Variants in ZNF595 observed in about 807,000 individuals in gnomAD.
ZNF595 encodes zinc finger protein 595.
Under a neutral mutation model 19.4 loss-of-function variants are expected in ZNF595, and 9 were observed. That is an observed-to-expected ratio of 0.46 (90% CI 0.28 to 0.81). ZNF595 has a LOEUF of 0.81. Ranked by LOEUF, ZNF595 falls within the 30% of genes least tolerant of loss-of-function variation. The pLI is 0.11. For synonymous variants in ZNF595, 255 were observed against 255.9 expected, an observed-to-expected ratio of 1.00 and a Z score of 0.03; for missense variants, 729 against 736.0, an observed-to-expected ratio of 0.99 and a Z score of 0.11.
At chr4:78,290 G>T (rs1242804071) in intron 3 of ZNF595, among the ~76,000 whole-genome samples, 1 of 152,206 alleles carries the variant, frequency 6.6e-6, no homozygotes, top group Non-Finnish European at 1.5e-5. Flanking sequence ...TTACAGGCGT[G>T]AGCCACCGCG....
intron 3 of ZNF595, among the ~76,000 whole-genome samples, chr4:77,486 A>C (rs1318428081): frequency 6.6e-6 from 1 of 152,066 alleles, no homozygotes; most frequent in African/African-American, 2.4e-5. Context: ...ATTATCTGTG[A>C]AGCCTTATTT....
intron 3 of ZNF595, among the ~76,000 whole-genome samples, chr4:71,311 C>G (rs1201730789): frequency 6.6e-6 from 1 of 151,988 alleles, no homozygotes; most frequent in Non-Finnish European, 1.5e-5. Context: ...TTTGGATGCC[C>G]TTTATTTTTT....
Position 86,990 on chromosome 4 carries a change from A to G in ZNF595, c.1486A>G (p.Asn496Asp). The G allele has an allele frequency of 6.2e-7, 1 of 1,613,982 alleles. No individual in the cohort carries two copies. Among genetic ancestry groups the G allele is most frequent in the Admixed American group, 1.7e-5 (1 of 60,006 alleles). Residue 496 changes from asparagine (N) to aspartate (D), a missense_variant, in exon 4 of 4, where the codon AAT becomes GAT. Asn to Asp is a conservative substitution (Grantham distance 23). Coordinates refer to ENST00000610261, the MANE Select transcript of ZNF595 (RefSeq NM_182524.4). ...GKAFIWSASL[N>D]EHKNIHTGEK... ...AGCTTTCATATGGTCCGCAAGCCTG[A>G]ATGAACATAAGAATATTCATACTGG...
chr4:73,108 T>A (rs1713498628), intron 3 of ZNF595, among the ~76,000 whole-genome samples: 1 of 152,182 alleles, frequency 6.6e-6, no homozygotes, highest in Non-Finnish European at 1.5e-5. Context: ...TATTGTCAAA[T>A]AAATTCCAAT....
At chr4:65,752 CTCGTGCTCTCTTGT>C (rs1581330664) in intron 3 of ZNF595, among the ~76,000 whole-genome samples, 3 of 10,276 alleles carry the variant, frequency 2.9e-4, no homozygotes, top group Admixed American at 9.0e-4. Context: ...CACCTTCCCT[CTCGTGCTCTCTTGT>C]TCCTGCTCCC....
chr4:63,796 A>C (rs1581327203), intron 3 of ZNF595, among the ~76,000 whole-genome samples: 89 of 148,882 alleles, frequency 6.0e-4, no homozygotes, highest in African/African-American at 2.1e-3. Context: ...GCAACCCCAG[A>C]GGTAATCTTA....
At position 87,593 on chromosome 4, in the gene ZNF595, C is replaced by T. The variant is rs1214242726; in HGVS notation, c.*142C>T. Reference sequence around the variant, plus strand: ...TAGGTACATAGTATGTGTATCTATTCATGGCTTATTTGGATTATTTTGATA... The same window carrying T: ...TAGGTACATAGTATGTGTATCTATTTATGGCTTATTTGGATTATTTTGATA... On this transcript the variant is annotated 3_prime_UTR_variant, in exon 4 of 4. Transcript: ENST00000610261. 1.1e-5 allele frequency: 7 copies of T among 664,276 alleles called. No individual in the cohort carries two copies. In the Admixed American group the frequency reaches 2.2e-4, roughly 20 times the overall value. 41.1% of individuals were successfully genotyped at this position (664,276 alleles called of 1,614,324 possible).
chr4:84,539 TA>T (rs532165432), intron 3 of ZNF595, among the ~76,000 whole-genome samples: 142 of 152,306 alleles, frequency 9.3e-4, no homozygotes, highest in Non-Finnish European at 1.7e-3. Context: ...CCCTCTTGTC[TA>T]AAAAAATTTT....
At chr4:78,665 T>C (rs1713774091) in intron 3 of ZNF595, among the ~76,000 whole-genome samples, 1 of 152,234 alleles carries the variant, frequency 6.6e-6, no homozygotes, top group Admixed American at 6.5e-5. Flanking sequence ...TTTAGGTAGA[T>C]GTAAATATCT....
chr4:71,899 T>C (rs914580446), intron 3 of ZNF595, among the ~76,000 whole-genome samples: 32 of 151,822 alleles, frequency 2.1e-4, no homozygotes, highest in Admixed American at 1.8e-3. Context: ...AGCAAGGTGA[T>C]ACAAGGACCT....
At chr4:81,658 A>C (rs1377933924) in intron 3 of ZNF595, among the ~76,000 whole-genome samples, 1 of 152,218 alleles carries the variant, frequency 6.6e-6, no homozygotes, top group East Asian at 1.9e-4. Flanking sequence ...TATCTTGCAA[A>C]GCTAACACTC....
At position 86,344 on chromosome 4, in the gene ZNF595, A is replaced by G; in HGVS notation, c.840A>G (p.Gly280=). The G allele has an allele frequency of 6.2e-7, 1 of 1,613,914 alleles. No individual in the cohort carries two copies. ...TLNEHKKIHT[G]EKPYKCKECG... is the part of the protein sequence containing the mutation. ...ATGAACACAAGAAAATTCATACTGG[A>G]GAGAAACCCTACAAATGTAAAGAAT... is the stretch of plus-strand genomic sequence containing the variant. Residue 280 remains glycine, a synonymous_variant, in exon 4 of 4, where the codon GGA becomes GGG. Transcript: ENST00000610261.
At chr4:83,078 T>A (rs1553800349) in intron 3 of ZNF595, among the ~76,000 whole-genome samples, 2 of 152,130 alleles carry the variant, frequency 1.3e-5, no homozygotes, top group Non-Finnish European at 2.9e-5. Context: ...CACACAAATA[T>A]ATGTATATAC....
intron 3 of ZNF595, among the ~76,000 whole-genome samples, chr4:71,657 C>T (rs1291750592): frequency 2.0e-5 from 3 of 152,146 alleles, no homozygotes; most frequent in Non-Finnish European, 4.4e-5. Flanking sequence ...CAGCTGAGTG[C>T]CCTGATGCTA....
chr4:68,897 A>AC (rs1290103483), intron 3 of ZNF595, among the ~76,000 whole-genome samples: 3 of 152,028 alleles, frequency 2.0e-5, no homozygotes, highest in Admixed American at 2.0e-4. Flanking sequence ...CTTCCCCTGA[A>AC]CCCCTCACTA....
intron 3 of ZNF595, among the ~76,000 whole-genome samples, chr4:82,068 C>T (rs1419685036): frequency 6.6e-6 from 1 of 151,936 alleles, no homozygotes; most frequent in Non-Finnish European, 1.5e-5. Context: ...CACCTGTATA[C>T]CCATACTAAA....
chr4:66,257 A>T (rs1442862296), intron 3 of ZNF595, among the ~76,000 whole-genome samples: 4 of 126,666 alleles, frequency 3.2e-5, no homozygotes, highest in South Asian at 2.5e-4. Flanking sequence ...AAAGATTAGA[A>T]TTTTTTTTCA....
At chr4:84,543 A>C (rs2108762766) in intron 3 of ZNF595, among the ~76,000 whole-genome samples, 1 of 152,322 alleles carries the variant, frequency 6.6e-6, no homozygotes, top group African/African-American at 2.4e-5. Flanking sequence ...CTTGTCTAAA[A>C]AAATTTTGTT....
At chr4:74,233 A>G (rs1024678444) in intron 3 of ZNF595, among the ~76,000 whole-genome samples, 1 of 151,172 alleles carries the variant, frequency 6.6e-6, no homozygotes, top group Non-Finnish European at 1.5e-5. Flanking sequence ...GAAGGCTGGG[A>G]TGTTGAGGCT....
Sources: gnomAD v4.1 joint callset for allele counts (sites outside exome capture counted in the v4.1 genomes callset) on GRCh38, gnomAD v4.1.1 for gene constraint, MANE v1.5 for transcripts, NCBI Gene and HGNC (gene_info 2026-07-23, HGNC 2026-07-21) for gene names.